ARHGEF10L: variants seen among roughly 807,000 people sequenced by gnomAD.
ARHGEF10L encodes Rho guanine nucleotide exchange factor 10 like, also known as rho guanine nucleotide exchange factor 10-like protein.
ARHGEF10L carries 69 observed loss-of-function variants against 141.2 expected under a neutral mutation model. The observed-to-expected ratio is 0.49, with a 90% CI of 0.40 to 0.60. The LOEUF (loss-of-function observed/expected upper bound fraction) is 0.60. Ranked by LOEUF, ARHGEF10L falls within the 20% of genes least tolerant of loss-of-function variation. ARHGEF10L has a pLI of 0.00. For missense variants in ARHGEF10L, 1,482 were observed against 1,734.3 expected (o/e 0.85, Z 2.58); for synonymous variants, 711 against 718.5 (o/e 0.99, Z 0.17).
rs554932995 is a variant in ARHGEF10L, at chr1:17,625,528, C to T, written c.1318-428C>T. Among the ~76,000 whole-genome samples the T allele has an allele frequency of 2.6e-5, 4 of 152,250 alleles. No homozygotes were observed. Among genetic ancestry groups the T allele is most frequent in the Admixed American group, 1.3e-4 (2 of 15,296 alleles). ...GCATATGGGGGCCAGGACCAGGTAA[C>T]AGGTGTGTGGATGGAGTGGGGGATG... On this transcript the variant is annotated intron_variant, in intron 13 of 28. Transcript: ENST00000361221. The surrounding 1 kb of genome is among the most constrained non-coding windows in gnomAD (Gnocchi z 4.5).
chr1:17,663,405 T>C (rs2062758355), intron 25 of ARHGEF10L, among the ~76,000 whole-genome samples: 1 of 151,724 alleles, frequency 6.6e-6, no homozygotes, highest in African/African-American at 2.4e-5. Flanking sequence ...TACAAAAAAT[T>C]AACTGGGTGT....
chr1:17,675,985 GGTGTGT>G (rs2063662490), intron 26 of ARHGEF10L, among the ~76,000 whole-genome samples: 4 of 139,924 alleles, frequency 2.9e-5, no homozygotes, highest in East Asian at 2.3e-4. Context: ...TGTGGGTGCA[GGTGTGT>G]GCAGGTGTGG....
At chr1:17,641,889 G>C (rs1337540681) in intron 21 of ARHGEF10L, among the ~76,000 whole-genome samples, 1 of 151,492 alleles carries the variant, frequency 6.6e-6, no homozygotes, top group Non-Finnish European at 1.5e-5. Context: ...GTTGAGGCAG[G>C]AGAATCACTT....
chr1:17,574,064 A>G (rs1030045287), intron 1 of ARHGEF10L, among the ~76,000 whole-genome samples: 2 of 152,038 alleles, frequency 1.3e-5, no homozygotes, highest in African/African-American at 4.8e-5. Context: ...GTCCCTTGCC[A>G]GATTCTGCAG....
chr1:17,528,096 G>A, the ARHGEF10L span, among the ~76,000 whole-genome samples: 2 of 152,044 alleles, frequency 1.3e-5, no homozygotes, highest in Non-Finnish European at 2.9e-5. Flanking sequence ...CTGGACTCAA[G>A]TGATCCACCT....
intron 4 of ARHGEF10L, among the ~76,000 whole-genome samples, chr1:17,599,971 G>T (rs368187095): frequency 3.9e-5 from 6 of 152,212 alleles, no homozygotes; most frequent in Non-Finnish European, 7.3e-5. Context: ...CTGCTGCACC[G>T]GATAGGACAG....
chr1:17,638,494 A>C (rs1053194042), intron 19 of ARHGEF10L, 68 bp from the exon 20 acceptor site: 3 of 1,598,738 alleles, frequency 1.9e-6, no homozygotes, highest in Non-Finnish European at 2.6e-6. Context: ...TGATTCCTAT[A>C]GGATCTGGTG....
chr1:17,543,363 C>G (rs2100627286), intron 1 of ARHGEF10L, among the ~76,000 whole-genome samples: 1 of 152,160 alleles, frequency 6.6e-6, no homozygotes, highest in East Asian at 1.9e-4. Context: ...CAGGCAGATC[C>G]CCTGAGGTCG....
intron 26 of ARHGEF10L, among the ~76,000 whole-genome samples, chr1:17,676,141 T>C (rs1421955242): frequency 7.1e-6 from 1 of 141,218 alleles, no homozygotes; most frequent in African/African-American, 2.7e-5. Flanking sequence ...TGGGTGCAGG[T>C]GTAGGTGCAG....
intron 1 of ARHGEF10L, among the ~76,000 whole-genome samples, chr1:17,565,482 C>A (rs1026591503): frequency 5.3e-5 from 8 of 152,158 alleles, no homozygotes; most frequent in Admixed American, 3.3e-4. Context: ...GGTGGACGGC[C>A]CCCCTCCAAC....
At chr1:17,616,248 G>C in intron 9 of ARHGEF10L, 46 bp downstream of exon 9, 1 of 1,457,918 alleles carries the variant, frequency 6.9e-7, no homozygotes, top group Non-Finnish European at 9.6e-7. Context: ...AGCTCTGACT[G>C]GGGGTCGGGG....
rs2060433181 is a variant in ARHGEF10L at position 17,627,156 on chromosome 1, G to T, written c.1411-174G>T. ...TCCATGCTTTTGTTTTCTTTTTCAT[G>T]CATTAGCTGTTTCTTGAGGTCTTGT... On this transcript the variant is annotated intron_variant, in intron 14 of 28. Transcript: ENST00000361221. The surrounding 1 kb of genome is among the most constrained non-coding windows in gnomAD (Gnocchi z 4.0). Among the ~76,000 whole-genome samples, 1 of 152,216 alleles carries T rather than the reference G, an allele frequency of 6.6e-6. No homozygotes were observed. The highest frequency in any genetic ancestry group is 2.4e-5 in the African/African-American group (1 of 41,460).
the ARHGEF10L span, among the ~76,000 whole-genome samples, chr1:17,522,711 G>T: frequency 0.95 from 145,098 of 152,064 alleles, 69,322 homozygotes; most frequent in Middle Eastern, 0.98. Flanking sequence ...ATGCCAGCAG[G>T]CCTTCTGGCT....
intron 27 of ARHGEF10L, among the ~76,000 whole-genome samples, chr1:17,688,523 C>T (rs926192549): frequency 1.2e-4 from 18 of 152,204 alleles, no homozygotes; most frequent in Admixed American, 2.0e-4. Context: ...GACTGACCTG[C>T]GGCCAGTGTG....
intron 23 of ARHGEF10L, among the ~76,000 whole-genome samples, chr1:17,655,303 C>T (rs1188369872): frequency 6.6e-6 from 1 of 151,826 alleles, no homozygotes; most frequent in African/African-American, 2.4e-5. Context: ...TCCACCCACC[C>T]ACCTACCTAT....
intron 1 of ARHGEF10L, among the ~76,000 whole-genome samples, chr1:17,540,361 C>T (rs1232209831): frequency 1.3e-5 from 2 of 151,854 alleles, no homozygotes; most frequent in Non-Finnish European, 2.9e-5. Context: ...GGGAGTGCCC[C>T]TGTCGCCTCT....
intron 1 of ARHGEF10L, among the ~76,000 whole-genome samples, chr1:17,559,607 G>A (rs371354643): frequency 5.3e-5 from 8 of 152,308 alleles, no homozygotes; most frequent in African/African-American, 1.7e-4. Context: ...ATCTTCATTT[G>A]CTAGGGTGGC....
In ARHGEF10L at chr1:17,641,935, C is replaced by T. The variant is rs183622086; in HGVS notation, c.2272+1633C>T. On this transcript the variant is annotated intron_variant, in intron 21 of 28. Transcript: ENST00000361221. ...GGCGGAGGTTGCAGTGAGCCAAGAT[C>T]GTGCCACTGTACTCCAGCCTGAGTG... 2.9e-3 allele frequency among the ~76,000 whole-genome samples: 441 copies of T among 149,986 alleles called. 3 individuals are homozygous for T. The highest frequency in any genetic ancestry group is 5.4e-3 in the Admixed American group (81 of 15,020).
chr1:17,687,978 G>C (rs1039300772), intron 27 of ARHGEF10L, among the ~76,000 whole-genome samples: 1 of 152,218 alleles, frequency 6.6e-6, no homozygotes, highest in Non-Finnish European at 1.5e-5. Context: ...GCAGCCTGGG[G>C]CGCTCAGGAA....
Sources: allele counts gnomAD v4.1 joint callset (sites outside exome capture counted in the v4.1 genomes callset), GRCh38; gene constraint gnomAD v4.1.1; non-coding constraint Gnocchi (gnomAD v3.1); transcripts MANE v1.5; gene names NCBI Gene and HGNC (gene_info 2026-07-23, HGNC 2026-07-21).